The following WIPF2 variants were observed in gnomAD, a reference collection of about 807,000 sequenced individuals.
WIPF2 encodes WAS/WASL interacting protein family member 2, also known as WAS/WASL-interacting protein family member 2.
In WIPF2, 23 loss-of-function variants were observed where a neutral mutation model predicts 38.8. The observed-to-expected ratio is 0.59, with a 90% CI of 0.43 to 0.84. WIPF2 has a LOEUF of 0.84. Among genes scored for constraint, WIPF2 ranks in the 40% least tolerant of loss-of-function variants. The pLI, the probability that WIPF2 is intolerant of heterozygous loss-of-function variation, is 0.00. For synonymous variants in WIPF2, 210 were observed against 223.2 expected, an observed-to-expected ratio of 0.94 and a Z score of 0.53; for missense variants, 574 against 580.5, an observed-to-expected ratio of 0.99 and a Z score of 0.11.
intron 5 of WIPF2, 49 bp from the exon 6 acceptor site, chr17:40,273,741 C>T: frequency 8.5e-7 from 1 of 1,181,012 alleles, no homozygotes; most frequent in Non-Finnish European, 1.3e-6. Flanking sequence ...TCATTCTACC[C>T]CTTGCCGTCT....
At chr17:40,233,929 G>C (rs1181371535) in intron 1 of WIPF2, among the ~76,000 whole-genome samples, 3 of 152,112 alleles carry the variant, frequency 2.0e-5, no homozygotes, top group Non-Finnish European at 4.4e-5. Context: ...CAGGCGTGGT[G>C]GTGCATGCCT....
intron 1 of WIPF2, among the ~76,000 whole-genome samples, chr17:40,253,776 G>A (rs2031633543): frequency 6.6e-6 from 1 of 152,184 alleles, no homozygotes; most frequent in Admixed American, 6.5e-5. Flanking sequence ...CCAGCCTATA[G>A]TGGCATCACA....
At chr17:40,269,901 G>A (rs147448708) in intron 5 of WIPF2, among the ~76,000 whole-genome samples, 1,600 of 151,278 alleles carry the variant, frequency 0.011, 12 homozygotes, top group Non-Finnish European at 0.015. Flanking sequence ...CACTGCACCC[G>A]CCAACACTGT....
intron 2 of WIPF2, 71 bp from the exon 3 acceptor site, chr17:40,260,464 G>A (rs1444781972): frequency 3.3e-5 from 52 of 1,570,998 alleles, no homozygotes; most frequent in Non-Finnish European, 1.3e-5. Flanking sequence ...TGGGATTACA[G>A]GCGTGAGCCA....
At chr17:40,239,050 A>AT (rs1228217836) in intron 1 of WIPF2, among the ~76,000 whole-genome samples, 44 of 132,978 alleles carry the variant, frequency 3.3e-4, no homozygotes, top group South Asian at 1.2e-3. Context: ...ATTTTATTTT[A>AT]TTTATTTATT....
intron 1 of WIPF2, among the ~76,000 whole-genome samples, chr17:40,225,685 ATC>A (rs1238322384): frequency 6.6e-6 from 1 of 151,830 alleles, no homozygotes; most frequent in East Asian, 1.9e-4. Context: ...TTGAGACAGG[ATC>A]TCTCTCTCTT....
In WIPF2 at chr17:40,280,750, C is replaced by T. The variant is rs2032529505; in HGVS notation, c.*2525C>T. Reference sequence around the variant, plus strand: ...TCACTGGGGCTGATATCTTCCTCCCCATGGCCCACTGCCCCCTCATATTCC... The same window carrying T: ...TCACTGGGGCTGATATCTTCCTCCCTATGGCCCACTGCCCCCTCATATTCC... On this transcript the variant is annotated 3_prime_UTR_variant, in exon 8 of 8. Transcript: ENST00000323571. 1 of 152,556 alleles carries T rather than the reference C, an allele frequency of 6.6e-6. No homozygotes were observed. The highest frequency in any genetic ancestry group is 1.5e-5 in the Non-Finnish European group (1 of 68,038). The allele number at this position is 152,556 out of a possible 1,614,324, so 9.5% of individuals were successfully genotyped here.
In WIPF2 at chr17:40,279,297, C is replaced by T. The variant is rs1377070585; in HGVS notation, c.*1072C>T. The T allele has an allele frequency of 1.3e-5, 2 of 152,574 alleles. No individual in the cohort carries two copies. Among genetic ancestry groups the T allele is most frequent in the Non-Finnish European group, 2.9e-5 (2 of 68,064 alleles). The allele number at this position is 152,574 out of a possible 1,614,324, so 9.5% of individuals were successfully genotyped here. A position where few individuals can be genotyped will look rare whatever the true frequency, so the allele number is the denominator to read the frequency against. The stretch of plus-strand genomic sequence containing the variant: ...GGAAGGAGCTGGCTTTGTGGGGCTG[C>T]AAAGGACTTTTAAGTCCTGCCTGTA... On this transcript the variant is annotated 3_prime_UTR_variant, in exon 8 of 8. Transcript: ENST00000323571.
rs1447955150 is a variant in WIPF2, at chr17:40,278,405, G to A, written c.*180G>A. On this transcript the variant is annotated 3_prime_UTR_variant, in exon 8 of 8. Transcript: ENST00000323571. ...ATCTATGCATCTCATCTCTGGATTT[G>A]GTGATCAGACTCTATATTGACAGTA... The A allele has an allele frequency of 1.5e-6, 1 of 682,888 alleles. No homozygotes were observed. Among genetic ancestry groups the A allele is most frequent in the African/African-American group, 1.8e-5 (1 of 55,214 alleles). 42.3% of individuals were successfully genotyped at this position (682,888 alleles called of 1,614,324 possible).
At chr17:40,244,448 A>G (rs1399638483) in intron 1 of WIPF2, among the ~76,000 whole-genome samples, 1 of 152,170 alleles carries the variant, frequency 6.6e-6, no homozygotes, top group Non-Finnish European at 1.5e-5. Flanking sequence ...GCTGAAGGAC[A>G]GCTGAACAGG....
rs1197908517 is a variant in WIPF2, at chr17:40,282,358, T to G, written c.*4133T>G. 1 of 152,236 alleles carries G rather than the reference T, an allele frequency of 6.6e-6. No individual in the cohort carries two copies. Among genetic ancestry groups the G allele is most frequent in the Non-Finnish European group, 1.5e-5 (1 of 68,042 alleles). The allele number at this position is 152,236 out of a possible 1,614,324, so 9.4% of individuals were successfully genotyped here. A position where few individuals can be genotyped will look rare whatever the true frequency, so the allele number is the denominator to read the frequency against. ...ACTGGTGGCAAGATGGGGCCTAGCC[T>G]TCTTTTCACATGTCTAATCTTTTCC... On this transcript the variant is annotated 3_prime_UTR_variant, in exon 8 of 8. Transcript: ENST00000323571.
chr17:40,232,719 A>G (rs1350757391), intron 1 of WIPF2, among the ~76,000 whole-genome samples: 1 of 145,336 alleles, frequency 6.9e-6, no homozygotes, highest in Admixed American at 6.9e-5. Flanking sequence ...GGCTCACTGC[A>G]ACCTCTGCCT....
chr17:40,220,586 T>TAC, intron 1 of WIPF2: 1 of 67,794 alleles, frequency 1.5e-5, no homozygotes, highest in Middle Eastern at 5.9e-3. Flanking sequence ...TATATATATA[T>TAC]ATATATATAT....
At chr17:40,228,587 T>TAGGAGATGC (rs1567708859) in intron 1 of WIPF2, among the ~76,000 whole-genome samples, 1 of 151,498 alleles carries the variant, frequency 6.6e-6, no homozygotes, top group Non-Finnish European at 1.5e-5. Flanking sequence ...AGTACTGTGG[T>TAGGAGATGC]AGGGGATGCA....
At chr17:40,255,558 C>G (rs2031696539) in intron 1 of WIPF2, among the ~76,000 whole-genome samples, 1 of 151,780 alleles carries the variant, frequency 6.6e-6, no homozygotes, top group East Asian at 2.0e-4. Context: ...CTCCCAATCT[C>G]AGGTGATCCA....
In WIPF2 at chr17:40,264,638, C is replaced by T. The variant is rs747080729; in HGVS notation, c.462C>T (p.Pro154=). The T allele has an allele frequency of 1.2e-6, 2 of 1,613,918 alleles. No individual in the cohort carries two copies. The highest frequency in any genetic ancestry group is 1.7e-5 in the Admixed American group (1 of 59,980). The change falls in exon 5 of 8, where the codon CCC becomes CCT. Residue 154 remains proline (P), a synonymous_variant. Transcript: ENST00000323571. ...SLPELPRMQR[P]SLPDLSRPNT... Reference sequence around the variant, plus strand: ...CAGAACTGCCCCGGATGCAGAGACCCTCTTTACCGGACCTCTCTCGGCCTA... The same window carrying T: ...CAGAACTGCCCCGGATGCAGAGACCTTCTTTACCGGACCTCTCTCGGCCTA...
rs2032538413 is a variant in WIPF2, at chr17:40,281,170, GTCCCATTAAC to G, written c.*2950_*2959del. The G allele has an allele frequency of 1.3e-5, 2 of 152,248 alleles. No individual in the cohort carries two copies. The highest frequency in any genetic ancestry group is 4.2e-4 in the South Asian group (2 of 4,810). 9.4% of individuals were successfully genotyped at this position (152,248 alleles called of 1,614,324 possible). ...GGTCTCATGTTGAGGCTGTTGCCCA[GTCCCATTAAC>G]TCCCTTGTCCCCCCACAGAAGGAAG... On this transcript the variant is annotated 3_prime_UTR_variant, in exon 8 of 8. Transcript: ENST00000323571.
intron 1 of WIPF2, among the ~76,000 whole-genome samples, chr17:40,244,806 T>C (rs1234474290): frequency 6.6e-6 from 1 of 152,180 alleles, no homozygotes; most frequent in Non-Finnish European, 1.5e-5. Context: ...CTTGCTGTTA[T>C]TTCTTTTCGG....
chr17:40,244,607 G>A (rs1465551693), intron 1 of WIPF2, among the ~76,000 whole-genome samples: 1 of 152,088 alleles, frequency 6.6e-6, no homozygotes, highest in Non-Finnish European at 1.5e-5. Context: ...TGAAGCTGTC[G>A]GTTCATTTAG....
Sources: allele counts gnomAD v4.1 joint callset (sites outside exome capture counted in the v4.1 genomes callset), GRCh38; gene constraint gnomAD v4.1.1; transcripts MANE v1.5; gene names NCBI Gene and HGNC (gene_info 2026-07-23, HGNC 2026-07-21).